ASIC2: variants seen among roughly 807,000 people sequenced by gnomAD.
ASIC2 encodes acid-sensing ion channel 2.
ASIC2 carries 25 observed loss-of-function variants against 57.3 expected under a neutral mutation model. The ratio of observed to expected loss-of-function variants is 0.44; its 90% CI spans 0.32 to 0.61. The LOEUF is 0.61. ASIC2 is among the 20% of genes least tolerant of loss of function. The pLI is 0.06. For missense variants in ASIC2, 641 were observed against 738.1 expected (o/e 0.87, Z 1.52); for synonymous variants, 319 against 307.5 (o/e 1.04, Z -0.39).
chr17:34,064,054 A>T (rs1909072964), intron 1 of ASIC2, among the ~76,000 whole-genome samples: 1 of 152,170 alleles, frequency 6.6e-6, no homozygotes, highest in Admixed American at 6.5e-5. Flanking sequence ...ACCAAAAAAG[A>T]GCTCACCTAG....
At chr17:33,074,460 G>A (rs1378904840) in intron 3 of ASIC2, among the ~76,000 whole-genome samples, 1 of 151,970 alleles carries the variant, frequency 6.6e-6, no homozygotes, top group Non-Finnish European at 1.5e-5. Context: ...TTTCCACTTC[G>A]ATTTGCTGAG....
intron 1 of ASIC2, among the ~76,000 whole-genome samples, chr17:33,445,258 T>C (rs146786805): frequency 0.07 from 10,692 of 152,076 alleles, 469 homozygotes; most frequent in Middle Eastern, 0.1. Flanking sequence ...CAAAACCCTG[T>C]CTCTACTAAA....
At chr17:33,538,391 T>C (rs1029217760) in intron 1 of ASIC2, among the ~76,000 whole-genome samples, 9 of 152,188 alleles carry the variant, frequency 5.9e-5, no homozygotes, top group African/African-American at 1.4e-4. Context: ...TCATTCCCCA[T>C]GGCATCCACA....
At chr17:33,611,954 C>A (rs1905422650) in intron 1 of ASIC2, among the ~76,000 whole-genome samples, 3 of 152,138 alleles carry the variant, frequency 2.0e-5, no homozygotes, top group Non-Finnish European at 4.4e-5. Context: ...CCAGGAGAGC[C>A]AATGGTAGAG....
chr17:33,267,835 A>G (rs1465460382), intron 1 of ASIC2, among the ~76,000 whole-genome samples: 1 of 152,164 alleles, frequency 6.6e-6, no homozygotes, highest in Non-Finnish European at 1.5e-5. Flanking sequence ...GGGCAAATGA[A>G]GACACAATCC....
intron 3 of ASIC2, among the ~76,000 whole-genome samples, chr17:33,084,539 C>A (rs1309325417): frequency 1.3e-5 from 2 of 152,234 alleles, no homozygotes; most frequent in African/African-American, 4.8e-5. Flanking sequence ...CCTAGCTACG[C>A]AACCTTGAAC....
chr17:33,052,315 A>T (rs1350037946), intron 3 of ASIC2: 1 of 152,198 alleles, frequency 6.6e-6, no homozygotes, highest in Non-Finnish European at 1.5e-5. Flanking sequence ...TTCTGGCTGT[A>T]ATTTATCCTG....
intron 1 of ASIC2, among the ~76,000 whole-genome samples, chr17:33,365,070 T>C (rs1908755056): frequency 6.6e-6 from 1 of 152,062 alleles, no homozygotes; most frequent in South Asian, 2.1e-4. Flanking sequence ...TATGCCAGAG[T>C]CCTTTATCAT....
At chr17:33,062,353 T>G (rs959486560) in intron 3 of ASIC2, among the ~76,000 whole-genome samples, 6 of 152,250 alleles carry the variant, frequency 3.9e-5, no homozygotes, top group African/African-American at 1.4e-4. Context: ...GAGATTCTGG[T>G]ATGTTGTGTC....
At chr17:33,045,070 G>T (rs1252510237) in intron 3 of ASIC2, among the ~76,000 whole-genome samples, 1 of 152,136 alleles carries the variant, frequency 6.6e-6, no homozygotes, top group African/African-American at 2.4e-5. Flanking sequence ...GGTGAGTGTT[G>T]GGCTGGGGTA....
intron 1 of ASIC2, among the ~76,000 whole-genome samples, chr17:33,175,695 C>T (rs1265041511): frequency 6.6e-6 from 1 of 152,090 alleles, no homozygotes; most frequent in East Asian, 1.9e-4. Context: ...GCGGCTGCTG[C>T]CTCCCCTGTC....
At chr17:34,123,970 T>A (rs1465843387) in intron 1 of ASIC2, among the ~76,000 whole-genome samples, 1 of 152,104 alleles carries the variant, frequency 6.6e-6, no homozygotes, top group Admixed American at 6.6e-5. Context: ...TAGTCCCAGT[T>A]ACTCGAGAGG....
At chr17:33,929,991 A>G (rs1819639127) in intron 1 of ASIC2, among the ~76,000 whole-genome samples, 2 of 152,214 alleles carry the variant, frequency 1.3e-5, no homozygotes, top group Admixed American at 1.3e-4. Flanking sequence ...AAGACTCTCA[A>G]ACCAGCACAG....
intron 1 of ASIC2, among the ~76,000 whole-genome samples, chr17:33,764,076 G>A (rs1026908675): frequency 4.0e-4 from 61 of 152,086 alleles, no homozygotes; most frequent in African/African-American, 1.4e-3. Flanking sequence ...GGCGGATCAC[G>A]AGGTCAGGAG....
intron 1 of ASIC2, among the ~76,000 whole-genome samples, chr17:33,575,153 T>G (rs1916577809): frequency 6.6e-6 from 1 of 152,232 alleles, no homozygotes; most frequent in Non-Finnish European, 1.5e-5. Context: ...TTCCAGCCCA[T>G]TCTACCAACA....
intron 1 of ASIC2, among the ~76,000 whole-genome samples, chr17:33,352,401 C>G (rs60804854): frequency 0.017 from 2,529 of 152,244 alleles, 86 homozygotes; most frequent in African/African-American, 0.058. Flanking sequence ...GCTGCCACCC[C>G]CTACATGGGA....
chr17:33,208,737 ATGATCAG>A (rs1907162862), intron 1 of ASIC2, among the ~76,000 whole-genome samples: 7 of 152,150 alleles, frequency 4.6e-5, no homozygotes, highest in Admixed American at 3.9e-4. Flanking sequence ...TATGAAAGAC[ATGATCAG>A]TCTTGTTGAC....
chr17:33,463,406 G>T (rs1234710852), intron 1 of ASIC2, among the ~76,000 whole-genome samples: 1 of 152,168 alleles, frequency 6.6e-6, no homozygotes, highest in Non-Finnish European at 1.5e-5. Context: ...ACATGACCAA[G>T]ATCACATCTA....
intron 3 of ASIC2, among the ~76,000 whole-genome samples, chr17:33,088,140 T>C (rs969250483): frequency 6.6e-6 from 1 of 152,196 alleles, no homozygotes; most frequent in African/African-American, 2.4e-5. Context: ...TCCCAGTCAC[T>C]GTCTCTCCAG....
Sources: allele counts gnomAD v4.1 joint callset (sites outside exome capture counted in the v4.1 genomes callset), GRCh38; gene constraint gnomAD v4.1.1; transcripts MANE v1.5; gene names NCBI Gene and HGNC (gene_info 2026-07-23, HGNC 2026-07-21).